Variants in STAG3 observed in about 807,000 individuals in gnomAD.
STAG3 encodes the protein STAG3 cohesin complex component.
STAG3 carries 101 observed loss-of-function variants against 160.7 expected under a neutral mutation model. That is an observed-to-expected ratio of 0.63 (90% CI 0.54 to 0.74). STAG3 has a LOEUF of 0.74. STAG3 is among the 30% of genes least tolerant of loss of function. The probability of loss-of-function intolerance (pLI) is 0.00; values close to 1 mark genes in which losing one functional copy is unlikely to be tolerated. For missense variants in STAG3, 1,188 were observed against 1,517.4 expected, an observed-to-expected ratio of 0.78 and a Z score of 3.61; for synonymous variants, 519 against 585.0, an observed-to-expected ratio of 0.89 and a Z score of 1.63.
chr7:100,200,189 C>CTG lies in STAG3; in HGVS notation c.1678-47_1678-46insTG, dbSNP rs780018977. ...GGAGGACTGCACACACCCCCTGCAC[C>CTG]AGTGTTTCTTTACACCTCCCCCACC... On this transcript the variant is annotated intron_variant, in intron 16 of 33. Transcript: ENST00000615138. 6 of 1,459,014 alleles carry CTG rather than the reference C, an allele frequency of 4.1e-6. 1 individual carries two copies. The South Asian group carries it at 7.2e-5, about 18-fold the overall frequency. 90.4% of individuals were successfully genotyped at this position (1,459,014 alleles called of 1,614,324 possible).
At chr7:100,188,317 G>A (rs2117146036) in intron 5 of STAG3, 136 bp from the exon 6 acceptor site, 1 of 765,922 alleles carries the variant, frequency 1.3e-6, no homozygotes. Flanking sequence ...TTGGCAGACT[G>A]TTGACCAGGG....
chr7:100,213,727 C>T lies in STAG3; in HGVS notation c.3601-8C>T. On this transcript the variant is annotated splice_region_variant and splice_polypyrimidine_tract_variant and intron_variant, in intron 32 of 33. Transcript: ENST00000615138. Reference sequence around the variant, plus strand: ...GGCCTTTTTGACTTTTAACCTCATTCTCTCTAGCAAGCAAGTAGCTACTCT... The same window carrying T: ...GGCCTTTTTGACTTTTAACCTCATTTTCTCTAGCAAGCAAGTAGCTACTCT... The T allele has an allele frequency of 6.2e-7, 1 of 1,614,174 alleles. No homozygotes were observed. The highest frequency in any genetic ancestry group is 8.5e-7 in the Non-Finnish European group (1 of 1,180,022).
intron 31 of STAG3, 121 bp from the exon 32 acceptor site, chr7:100,211,674 A>C: frequency 7.1e-7 from 1 of 1,409,688 alleles, no homozygotes; most frequent in Non-Finnish European, 9.9e-7. Context: ...CTGTCAGCAC[A>C]ATCGGGAAAC....
rs372731932 is a variant in STAG3, at chr7:100,180,902, C to T, written c.116+230C>T. The T allele has an allele frequency of 2.2e-3, 706 of 323,868 alleles. 6 individuals carry two copies. The highest frequency in any genetic ancestry group is 0.015 in the African/African-American group (653 of 42,236). The allele number at this position is 323,868 out of a possible 1,614,324, so 20.1% of individuals were successfully genotyped here. A position where few individuals can be genotyped will look rare whatever the true frequency, so the allele number is the denominator to read the frequency against. ...CCTGTTTTTTTTTTTTTTTTTGAGA[C>T]GGAGTCTCGCCCTGTCGCCCAGGCT... On this transcript the variant is annotated intron_variant, in intron 2 of 33. Coordinates refer to ENST00000615138, the MANE Select transcript of STAG3 (RefSeq NM_001282717.2).
In STAG3 at chr7:100,180,590, A is replaced by T. The variant is rs570514104; in HGVS notation, c.34A>T (p.Thr12Ser). 36 of 1,613,524 alleles carry T rather than the reference A, an allele frequency of 2.2e-5. No homozygotes were observed. The African/African-American group carries it at 4.4e-4, about 20-fold the overall frequency. The change falls in exon 2 of 34, where the codon ACC becomes TCC. Residue 12 changes from threonine to serine, a missense_variant. Around this residue, in one of 4 missense-constraint regions of STAG3, gnomAD observed 296 missense variants for 404.0 expected, o/e 0.73. Coordinates refer to ENST00000615138, the MANE Select transcript of STAG3 (RefSeq NM_001282717.2). ...SSPLQRAVGD[T>S]KRALSASSSS... ...CCCGTTGCAAAGAGCTGTGGGAGAT[A>T]CCAAGAGGGCCTTGTCTGCATCTTC... is the stretch of plus-strand genomic sequence containing the variant.
At chr7:100,180,848 ATGT>A (rs1272166375) in intron 2 of STAG3, 176 bp downstream of exon 2, 1 of 498,744 alleles carries the variant, frequency 2.0e-6, no homozygotes, top group Admixed American at 3.4e-5. Flanking sequence ...GCGGTCCTAG[ATGT>A]TGTAGACATC....
chr7:100,201,632 C>T (rs1270804654), intron 21 of STAG3, 154 bp from the exon 22 acceptor site: 1 of 704,054 alleles, frequency 1.4e-6, no homozygotes, highest in Non-Finnish European at 2.4e-6. Flanking sequence ...GTAGATGCCT[C>T]TGAAGAATGT....
chr7:100,188,323 C>A, intron 5 of STAG3, 130 bp from the exon 6 acceptor site: 1 of 772,740 alleles, frequency 1.3e-6, no homozygotes, highest in Non-Finnish European at 2.4e-6. Context: ...GACTGTTGAC[C>A]AGGGGGTCTT....
intron 12 of STAG3, 23 bp from the exon 13 acceptor site, chr7:100,198,452 T>A (rs1209974306): frequency 1.1e-5 from 18 of 1,612,694 alleles, no homozygotes; most frequent in Non-Finnish European, 1.4e-5. Context: ...ATTCACATAC[T>A]CTTTCTGCTT....
At chr7:100,201,028 C>CG in intron 19 of STAG3, 59 bp downstream of exon 19, 1 of 1,613,844 alleles carries the variant, frequency 6.2e-7, no homozygotes, top group South Asian at 1.1e-5. Context: ...GGCTGCAAGA[C>CG]GGGGGATGTG....
Position 100,205,353 on chromosome 7 carries a change from C to T in STAG3, c.3207C>T (p.Val1069=), listed in dbSNP as rs1012385406. The change falls in exon 29 of 34, where the codon GTC becomes GTT. Residue 1069 remains valine (V), a synonymous_variant. Coordinates refer to ENST00000615138, the MANE Select transcript of STAG3 (RefSeq NM_001282717.2). ...ACACAGCAGAGACCAGCCCTCAGGT[C>T]CTCCCCAGCTCCAAGAGGAGGCGCG... The part of the protein sequence containing the change: ...VENTAETSPQ[V]LPSSKRRRVE... 2 of 1,613,916 alleles carry T rather than the reference C, an allele frequency of 1.2e-6. No individual in the cohort carries two copies. Among genetic ancestry groups the T allele is most frequent in the East Asian group, 2.2e-5 (1 of 44,892 alleles).
downstream of STAG3, among the ~76,000 whole-genome samples, chr7:100,216,443 C>T (rs1297224897): frequency 1.3e-5 from 2 of 152,050 alleles, no homozygotes; most frequent in East Asian, 3.8e-4. Context: ...TAAAAAAGGG[C>T]TTAGAGCAAA....
rs539276201 is a variant in STAG3, at chr7:100,207,958, T to TAC, written c.3238+2576_3238+2577dup. Among the ~76,000 whole-genome samples, 4,798 of 152,088 alleles carry TAC rather than the reference T, an allele frequency of 0.032. 113 individuals are homozygous for TAC. The highest frequency in any genetic ancestry group is 0.09 in the South Asian group (432 of 4,814). On this transcript the variant is annotated intron_variant, in intron 29 of 33. Coordinates refer to ENST00000615138, the MANE Select transcript of STAG3 (RefSeq NM_001282717.2). This position sits in a 1 kb window ranked among gnomAD's most constrained non-coding sequence, Gnocchi z 4.0. ...GGTGAAACCCCGTCTCTACTAAAAA[T>TAC]ACAAAAAATTAGCCAGGCATGATGG... is the stretch of plus-strand genomic sequence containing the variant.
intron 29 of STAG3, among the ~76,000 whole-genome samples, chr7:100,206,836 A>C (rs780404884): frequency 5.9e-5 from 9 of 152,156 alleles, no homozygotes; most frequent in Non-Finnish European, 8.8e-5. Flanking sequence ...ACAACTATCT[A>C]ATTTTAGAAC....
intron 8 of STAG3, among the ~76,000 whole-genome samples, chr7:100,193,193 C>G (rs1263390414): frequency 1.3e-5 from 2 of 152,174 alleles, no homozygotes; most frequent in Non-Finnish European, 2.9e-5. Context: ...GGAAACCATA[C>G]TGTGAACAGA....
chr7:100,208,736 C>T (rs1259671880), intron 29 of STAG3, among the ~76,000 whole-genome samples: 2 of 152,126 alleles, frequency 1.3e-5, no homozygotes, highest in African/African-American at 4.8e-5. Context: ...GGGAATACAG[C>T]AGTGAACAAA....
intron 1 of STAG3, among the ~76,000 whole-genome samples, chr7:100,179,850 C>T (rs1486871413): frequency 2.0e-5 from 3 of 152,226 alleles, no homozygotes; most frequent in African/African-American, 2.4e-5. Context: ...ATTCTCCTGC[C>T]TCAGCCTCCC....
chr7:100,217,307 G>T (rs185106424), downstream of STAG3, among the ~76,000 whole-genome samples: 2,273 of 152,312 alleles, frequency 0.015, 59 homozygotes, highest in African/African-American at 0.052. Context: ...GACAGCCCAG[G>T]GCTCTGGCTT....
rs754777613 is a variant in STAG3, at chr7:100,204,091, GT to G, written c.2773del (p.Ser925ProfsTer6). 5.6e-5 allele frequency: 90 copies of G among 1,614,122 alleles called. No homozygotes were observed. The highest frequency in any genetic ancestry group is 7.2e-5 in the Non-Finnish European group (85 of 1,180,026). ...TRARQIDRSH[C>X]SRILLLSLKQ... is the part of the protein sequence containing the mutation. ...GCAAGGCAGATTGACCGAAGTCATTGTTCCCGAATCCTGCTGCTGAGCCTCA... is the reference window on the plus strand; with the variant it reads ...GCAAGGCAGATTGACCGAAGTCATTGTCCCGAATCCTGCTGCTGAGCCTCA... On this transcript the variant is annotated frameshift_variant, in exon 26 of 34. Coordinates refer to ENST00000615138, the MANE Select transcript of STAG3 (RefSeq NM_001282717.2). LOFTEE classifies it high-confidence loss of function.
Sources: allele counts gnomAD v4.1 joint callset (sites outside exome capture counted in the v4.1 genomes callset), GRCh38; gene constraint gnomAD v4.1.1; regional missense constraint gnomAD v4.1.1; non-coding constraint Gnocchi (gnomAD v3.1); transcripts MANE v1.5; gene names NCBI Gene and HGNC (gene_info 2026-07-23, HGNC 2026-07-21).